The following PCDHA8 variants were observed in gnomAD, a reference collection of about 807,000 sequenced individuals.
The protein encoded by PCDHA8 is protocadherin alpha 8, also known as protocadherin alpha-8.
Under a neutral mutation model 61.8 loss-of-function variants are expected in PCDHA8, and 53 were observed. The observed-to-expected ratio is 0.86, with a 90% CI of 0.69 to 1.08. PCDHA8 has a LOEUF of 1.08. Ranked by LOEUF, PCDHA8 falls within the 50% of genes least tolerant of loss-of-function variation. PCDHA8 has a pLI of 0.00. For synonymous variants in PCDHA8, 618 were observed against 556.6 expected (o/e 1.11, Z -1.55); for missense variants, 1,293 against 1,245.0 (o/e 1.04, Z -0.58).
intron 1 of PCDHA8, chr5:140,967,766 T>C: frequency 6.2e-7 from 1 of 1,614,218 alleles, no homozygotes; most frequent in Non-Finnish European, 8.5e-7. Flanking sequence ...CTACCAGATC[T>C]ATGTGCAGGC....
Position 140,858,130 on chromosome 5 carries a change from C to G in PCDHA8, c.2394+14415C>G, listed in dbSNP as rs1210306605. ...CGCCCGAGGTGGCCCTGGTGGATGT[C>G]AACGTGTACCTGATCATCGCCATCT... On this transcript the variant is annotated intron_variant, in intron 1 of 3. Transcript: ENST00000531613. 27 of 1,597,776 alleles carry G rather than the reference C, an allele frequency of 1.7e-5. 5 individuals carry two copies. The highest frequency in any genetic ancestry group is 2.3e-5 in the Non-Finnish European group (27 of 1,167,556).
chr5:140,980,265 A>G (rs1041506600), intron 2 of PCDHA8, among the ~76,000 whole-genome samples: 1 of 152,258 alleles, frequency 6.6e-6, no homozygotes, highest in Non-Finnish European at 1.5e-5. Flanking sequence ...CATGGTTTAC[A>G]GTACCAACTC....
chr5:140,915,363 G>C (rs1554196864), intron 1 of PCDHA8, among the ~76,000 whole-genome samples: 1 of 152,136 alleles, frequency 6.6e-6, no homozygotes, highest in Non-Finnish European at 1.5e-5. Context: ...ATTCTTACCA[G>C]TAAGTGTCTC....
At chr5:140,847,326 T>C (rs1171959432) in intron 1 of PCDHA8, 3 of 149,816 alleles carry the variant, frequency 2.0e-5, no homozygotes, top group African/African-American at 7.3e-5. Flanking sequence ...GAAGCAATTG[T>C]TAAATGCACC....
chr5:140,952,101 A>G (rs1451958490), intron 1 of PCDHA8, among the ~76,000 whole-genome samples: 1 of 151,950 alleles, frequency 6.6e-6, no homozygotes, highest in African/African-American at 2.4e-5. Flanking sequence ...TCCAGGGCAC[A>G]CTCGTGTGAG....
At chr5:140,984,031 CAT>C (rs2153832931) in intron 3 of PCDHA8, among the ~76,000 whole-genome samples, 1 of 152,260 alleles carries the variant, frequency 6.6e-6, no homozygotes, top group South Asian at 2.1e-4. Context: ...AGGGGAAAAA[CAT>C]AAAATAGTTC....
rs529433053 is a variant in PCDHA8 at position 140,985,961 on chromosome 5, A to C, written c.2542+3398A>C. Among the ~76,000 whole-genome samples, 18 of 151,982 alleles carry C rather than the reference A, an allele frequency of 1.2e-4. 1 individual carries two copies. In the South Asian group the frequency reaches 3.3e-3, roughly 28 times the overall value. On this transcript the variant is annotated intron_variant, in intron 3 of 3. Transcript: ENST00000531613. Reference sequence around the variant, plus strand: ...TCACTGTGTTAGCCAGGATGGTCTCAATCTCCTGACCTCGTGATCCGCCCA... The same window carrying C: ...TCACTGTGTTAGCCAGGATGGTCTCCATCTCCTGACCTCGTGATCCGCCCA...
At chr5:141,009,095 A>G (rs1304233331) in intron 3 of PCDHA8, among the ~76,000 whole-genome samples, 3 of 152,214 alleles carry the variant, frequency 2.0e-5, no homozygotes, top group Admixed American at 6.5e-5. Context: ...AGAACCAAAC[A>G]TATGTTACTA....
At position 140,978,970 on chromosome 5, in the gene PCDHA8, T is replaced by A; in HGVS notation, c.2416T>A (p.Trp806Arg). The change falls in exon 2 of 4, where the codon TGG (tryptophan) becomes AGG (arginine). Residue 806 changes from tryptophan to arginine, a missense_variant. Coordinates refer to ENST00000531613, the MANE Select transcript of PCDHA8 (RefSeq NM_018911.3). ...GLKPRQPNPD[W>R]RYSASLRAGM... is the part of the protein sequence containing the mutation. Reference sequence around the variant, plus strand: ...GCAGCCACGACAGCCCAACCCTGACTGGCGTTACTCTGCCTCCCTGAGAGC... The same window carrying A: ...GCAGCCACGACAGCCCAACCCTGACAGGCGTTACTCTGCCTCCCTGAGAGC... 6.2e-7 allele frequency: 1 copy of A among 1,614,216 alleles called. No homozygotes were observed. Among genetic ancestry groups the A allele is most frequent in the Admixed American group, 1.7e-5 (1 of 60,030 alleles).
chr5:140,992,465 C>G (rs1554252929), intron 3 of PCDHA8, among the ~76,000 whole-genome samples: 2 of 152,162 alleles, frequency 1.3e-5, no homozygotes. Flanking sequence ...GGACAGTACT[C>G]TTTAGATCAC....
chr5:140,885,920 C>T (rs1554182299), intron 1 of PCDHA8, among the ~76,000 whole-genome samples: 1 of 151,998 alleles, frequency 6.6e-6, no homozygotes, highest in East Asian at 1.9e-4. Context: ...TAGATATTAA[C>T]TGTTTATCTA....
At chr5:140,946,097 C>T (rs1452170851) in intron 1 of PCDHA8, among the ~76,000 whole-genome samples, 1 of 151,826 alleles carries the variant, frequency 6.6e-6, no homozygotes, top group Admixed American at 6.6e-5. Context: ...AAGGAGTTAA[C>T]ATACCAAATA....
chr5:140,873,995 GT>G (rs1354813199), intron 1 of PCDHA8, among the ~76,000 whole-genome samples: 2 of 152,166 alleles, frequency 1.3e-5, no homozygotes, highest in African/African-American at 4.8e-5. Context: ...AGCATGTATG[GT>G]ACATTGACCA....
chr5:140,856,518 C>T, intron 1 of PCDHA8: 1 of 1,598,510 alleles, frequency 6.3e-7, no homozygotes, highest in Non-Finnish European at 8.6e-7. Flanking sequence ...GAAGGCGCAT[C>T]TGATGCGGAT....
chr5:140,969,880 A>G (rs1365035569), intron 1 of PCDHA8, among the ~76,000 whole-genome samples: 2 of 152,238 alleles, frequency 1.3e-5, no homozygotes, highest in Non-Finnish European at 2.9e-5. Flanking sequence ...CCTATGTGAT[A>G]GGATCCTCTG....
At chr5:140,892,021 G>T (rs2063355611) in intron 1 of PCDHA8, among the ~76,000 whole-genome samples, 1 of 152,160 alleles carries the variant, frequency 6.6e-6, no homozygotes, top group Non-Finnish European at 1.5e-5. Context: ...AGCACAAATG[G>T]TCTAAGATAC....
intron 1 of PCDHA8, among the ~76,000 whole-genome samples, chr5:140,978,306 A>C (rs2096795659): frequency 6.6e-6 from 1 of 152,230 alleles, no homozygotes; most frequent in Non-Finnish European, 1.5e-5. Flanking sequence ...GCACTCAGGA[A>C]GGAGCAGGAA....
At chr5:140,845,850 G>C (rs2150381822) in intron 1 of PCDHA8, among the ~76,000 whole-genome samples, 1 of 149,860 alleles carries the variant, frequency 6.7e-6, no homozygotes, top group East Asian at 1.9e-4. Flanking sequence ...GAGAAAAGAA[G>C]TTAGTGATTG....
intron 1 of PCDHA8, among the ~76,000 whole-genome samples, chr5:140,897,200 T>C (rs1462263623): frequency 1.3e-5 from 2 of 152,172 alleles, no homozygotes; most frequent in African/African-American, 4.8e-5. Context: ...TTTTTTATTA[T>C]ACTTTAAGTT....
Sources: allele counts gnomAD v4.1 joint callset (sites outside exome capture counted in the v4.1 genomes callset), GRCh38; gene constraint gnomAD v4.1.1; transcripts MANE v1.5; gene names NCBI Gene and HGNC (gene_info 2026-07-23, HGNC 2026-07-21).